The following POLR1A variants were observed in gnomAD, a reference collection of about 807,000 sequenced individuals.
The protein encoded by POLR1A is DNA-directed RNA polymerase I subunit RPA1.
In POLR1A, 84 loss-of-function variants were observed where a neutral mutation model predicts 205.3. That is an observed-to-expected ratio of 0.41 (90% CI 0.34 to 0.49). The LOEUF is 0.49. Ranked by LOEUF, POLR1A falls within the 20% of genes least tolerant of loss-of-function variation. The probability of loss-of-function intolerance (pLI) is 0.22; values close to 1 mark genes in which losing one functional copy is unlikely to be tolerated. For synonymous variants in POLR1A, 799 were observed against 863.7 expected (o/e 0.93, Z 1.31); for missense variants, 1,645 against 2,204.5 (o/e 0.75, Z 5.08).
chr2:86,095,403 A>G (rs1673685723), intron 3 of POLR1A, among the ~76,000 whole-genome samples: 1 of 152,384 alleles, frequency 6.6e-6, no homozygotes, highest in Middle Eastern at 3.4e-3. Flanking sequence ...GTATTTGCAG[A>G]TAGGATTGTA....
chr2:86,078,037 T>A, intron 10 of POLR1A, 56 bp from the exon 11 acceptor site: 1 of 1,612,966 alleles, frequency 6.2e-7, no homozygotes, highest in South Asian at 1.1e-5. Context: ...AGTAGGCTTA[T>A]TAGTTTCTTG....
chr2:86,079,323 T>C (rs991647707), intron 9 of POLR1A, among the ~76,000 whole-genome samples: 1 of 152,204 alleles, frequency 6.6e-6, no homozygotes, highest in Admixed American at 6.5e-5. Context: ...CTCATGGCAT[T>C]ACCTGGCTCA....
At chr2:86,095,793 T>C (rs1373638307) in intron 3 of POLR1A, among the ~76,000 whole-genome samples, 1 of 151,870 alleles carries the variant, frequency 6.6e-6, no homozygotes, top group Non-Finnish European at 1.5e-5. Context: ...AGTGGCGCGA[T>C]CTTGGCTCAC....
intron 21 of POLR1A, among the ~76,000 whole-genome samples, chr2:86,044,663 A>G (rs1672679218): frequency 6.6e-6 from 1 of 152,210 alleles, no homozygotes; most frequent in Non-Finnish European, 1.5e-5. Context: ...CCTTAGAACC[A>G]AAAGACGGGC....
At chr2:86,046,215 A>G (rs1239936618) in intron 19 of POLR1A, among the ~76,000 whole-genome samples, 1 of 152,156 alleles carries the variant, frequency 6.6e-6, no homozygotes, top group Non-Finnish European at 1.5e-5. Flanking sequence ...GGATCCCTTG[A>G]GCCCAGAAGT....
chr2:86,041,188 T>TGCACGCGC lies in POLR1A; in HGVS notation c.3573-630_3573-629insGCGCGTGC, dbSNP rs1189511034. On this transcript the variant is annotated intron_variant, in intron 24 of 33. Coordinates refer to ENST00000263857, the MANE Select transcript of POLR1A (RefSeq NM_015425.6). ...GTGTGTGTGTGTGTGTGTGTGTGTG[T>TGCACGCGC]GTGCGCGCTGAGCTACAGTGTCTGT... is the stretch of plus-strand genomic sequence containing the variant. Among the ~76,000 whole-genome samples, 174 of 51,186 alleles carry TGCACGCGC rather than the reference T, an allele frequency of 3.4e-3. 2 individuals carry two copies. The highest frequency in any genetic ancestry group is 8.3e-3 in the African/African-American group (162 of 19,552). The allele number at this position is 51,186 out of a possible 152,430, so 33.6% of individuals were successfully genotyped here.
intron 12 of POLR1A, 137 bp downstream of exon 12, chr2:86,074,893 C>T (rs1320527044): frequency 4.7e-6 from 3 of 634,116 alleles, no homozygotes; most frequent in Non-Finnish European, 8.2e-6. Flanking sequence ...TCTAAAAAGC[C>T]ACCCACGTGT....
intron 14 of POLR1A, 114 bp from the exon 15 acceptor site, chr2:86,054,403 T>C: frequency 1.0e-6 from 1 of 969,872 alleles, no homozygotes; most frequent in East Asian, 2.6e-5. Flanking sequence ...CTCCTGCCCT[T>C]GCAATGCCAT....
At position 86,052,970 on chromosome 2, in the gene POLR1A, C is replaced by T. The variant is rs748365532; in HGVS notation, c.2239G>A (p.Gly747Arg). ...CCATAGTGCGCCTTGTCCAGCACTC[C>T]GCAGAGCAGCTCCCCTTCCCTGATG... Reference protein sequence around the residue: ...VIIREGELLCGVLDKAHYGSS... With the variant: ...VIIREGELLCRVLDKAHYGSS... The change falls in exon 16 of 34, where the codon GGA becomes AGA. Residue 747 changes from glycine (G) to arginine (R), a missense_variant. Gly to Arg is a moderately radical substitution (Grantham distance 125). This residue lies in a region of POLR1A where 339 missense variants were observed against 415.1 expected (regional missense o/e 0.82). Transcript: ENST00000263857. 3.8e-6 allele frequency: 6 copies of T among 1,596,468 alleles called. No individual in the cohort carries two copies. The highest frequency in any genetic ancestry group is 2.7e-5 in the African/African-American group (2 of 73,996).
chr2:86,038,697 G>A lies in POLR1A; in HGVS notation c.4034+3C>T. 6.2e-7 allele frequency: 1 copy of A among 1,613,076 alleles called. No homozygotes were observed. The highest frequency in any genetic ancestry group is 8.5e-7 in the Non-Finnish European group (1 of 1,179,876). On this transcript the variant is annotated splice_donor_region_variant and intron_variant, in intron 27 of 33. Coordinates refer to ENST00000263857, the MANE Select transcript of POLR1A (RefSeq NM_015425.6). ...CAATGACAATCACAGCCTGAGCCCT[G>A]ACCTTGTTTCCATGAAGCGCAGGAT...
chr2:86,062,041 A>G (rs1673008582), intron 14 of POLR1A, among the ~76,000 whole-genome samples: 1 of 152,192 alleles, frequency 6.6e-6, no homozygotes, highest in Non-Finnish European at 1.5e-5. Context: ...TAGAAAATCA[A>G]TCAAGAGGCT....
At chr2:86,096,194 A>G (rs763869345) in intron 3 of POLR1A, among the ~76,000 whole-genome samples, 1 of 152,192 alleles carries the variant, frequency 6.6e-6, no homozygotes, top group Non-Finnish European at 1.5e-5. Flanking sequence ...TATAATAGCT[A>G]CCAAAAAAAT....
At chr2:86,054,097 C>T (rs1264251414) in intron 15 of POLR1A, 43 bp downstream of exon 15, 2 of 1,602,032 alleles carry the variant, frequency 1.2e-6, no homozygotes, top group African/African-American at 1.3e-5. Context: ...CTGTCTAACC[C>T]CGGCACTAGA....
chr2:86,091,548 G>T (rs1296455600), intron 3 of POLR1A, among the ~76,000 whole-genome samples: 2 of 152,230 alleles, frequency 1.3e-5, no homozygotes, highest in South Asian at 4.1e-4. Context: ...GACTGTAAGG[G>T]TGATAGTTAC....
intron 16 of POLR1A, among the ~76,000 whole-genome samples, 181 bp from the exon 17 acceptor site, chr2:86,049,423 G>A (rs1463361368): frequency 1.3e-5 from 2 of 152,120 alleles, no homozygotes; most frequent in African/African-American, 4.8e-5. Context: ...GCTTACCAGA[G>A]CCCAAACCTT....
intron 24 of POLR1A, among the ~76,000 whole-genome samples, 171 bp from the exon 25 acceptor site, chr2:86,040,730 T>A (rs1573805769): frequency 6.6e-6 from 1 of 152,148 alleles, no homozygotes; most frequent in Non-Finnish European, 1.5e-5. Context: ...CCAGTGACCC[T>A]GAGATGTCCT....
intron 22 of POLR1A, 52 bp downstream of exon 22, chr2:86,044,087 G>A (rs536306879): frequency 9.4e-5 from 148 of 1,580,542 alleles, no homozygotes; most frequent in East Asian, 2.5e-4. Flanking sequence ...CTCTAACCTC[G>A]GTGGGGGAGG....
rs770316856 is a variant in POLR1A at position 86,054,187 on chromosome 2, G to A, written c.2161C>T (p.Pro721Ser). The change falls in exon 15 of 34, where the codon CCT becomes TCT. Residue 721 changes from proline to serine, a missense_variant. Physicochemically the swap from Pro to Ser is moderately conservative, Grantham distance 74. This residue lies in a region of POLR1A where 339 missense variants were observed against 415.1 expected (regional missense o/e 0.82). Coordinates refer to ENST00000263857, the MANE Select transcript of POLR1A (RefSeq NM_015425.6). ...GGGTTAAAGCCAGGAACGGATCGAG[G>A]AGTTTCCTTCACCCAGGCTTTCCCA... Reference protein sequence around the residue: ...ITGKAWVKETPRSVPGFNPDS... With the variant: ...ITGKAWVKETSRSVPGFNPDS... 2 of 1,614,002 alleles carry A rather than the reference G, an allele frequency of 1.2e-6. No homozygotes were observed. Among genetic ancestry groups the A allele is most frequent in the South Asian group, 1.1e-5 (1 of 91,080 alleles).
At position 86,031,344 on chromosome 2, in the gene POLR1A, T is replaced by A; in HGVS notation, c.4564A>T (p.Ser1522Cys). 7.1e-6 allele frequency: 11 copies of A among 1,554,820 alleles called. No homozygotes were observed. The highest frequency in any genetic ancestry group is 9.6e-6 in the Non-Finnish European group (11 of 1,147,490). ...GCCACACTGACCTGGCACCACAGGC[T>A]CTCCTCGGTGTCGTACTGGTAGTCA... The part of the protein sequence containing the change: ...IDDYQYDTEE[S>C]LWCQVTVKLP... The change falls in exon 30 of 34, where the codon AGC (serine) becomes TGC (cysteine). Residue 1522 changes from serine to cysteine, a missense_variant. By Grantham distance (112) the Ser-to-Cys change is moderately radical. Coordinates refer to ENST00000263857, the MANE Select transcript of POLR1A (RefSeq NM_015425.6).
Sources: gnomAD v4.1 joint callset for allele counts (sites outside exome capture counted in the v4.1 genomes callset) on GRCh38, gnomAD v4.1.1 for gene constraint, gnomAD v4.1.1 regional missense constraint, MANE v1.5 for transcripts, NCBI Gene and HGNC (gene_info 2026-07-23, HGNC 2026-07-21) for gene names.